LMBRD1: variants seen among roughly 807,000 people sequenced by gnomAD.
LMBRD1 encodes LMBR1 domain containing 1.
A neutral mutation model predicts 74.8 loss-of-function variants in LMBRD1; 64 were observed. That is an observed-to-expected ratio of 0.86 (90% CI 0.70 to 1.05). The LOEUF is 1.05. Among genes scored for constraint, LMBRD1 ranks in the 50% least tolerant of loss-of-function variants. The probability of loss-of-function intolerance (pLI) is 0.00; values close to 1 mark genes in which losing one functional copy is unlikely to be tolerated. For synonymous variants in LMBRD1, 204 were observed against 216.3 expected, an observed-to-expected ratio of 0.94 and a Z score of 0.50; for missense variants, 652 against 645.9, an observed-to-expected ratio of 1.01 and a Z score of -0.10.
At chr6:69,749,224 T>C in intron 5 of LMBRD1, 117 bp downstream of exon 5, 1 of 788,900 alleles carries the variant, frequency 1.3e-6, no homozygotes, top group Non-Finnish European at 2.1e-6. Context: ...GAGAGTGGAT[T>C]GTTCTTTTTT....
At chr6:69,737,335 T>C (rs1003699894) in intron 7 of LMBRD1, among the ~76,000 whole-genome samples, 3 of 152,086 alleles carry the variant, frequency 2.0e-5, no homozygotes, top group Admixed American at 2.0e-4. Flanking sequence ...AAGAGAAGTC[T>C]GTATACAACT....
At chr6:69,745,504 C>T (rs995523861) in intron 5 of LMBRD1, among the ~76,000 whole-genome samples, 86 of 148,358 alleles carry the variant, frequency 5.8e-4, no homozygotes, top group Middle Eastern at 3.8e-3. Flanking sequence ...ATGATCCACC[C>T]GCCTCGGCCT....
At chr6:69,773,232 A>G (rs2149889042) in intron 3 of LMBRD1, among the ~76,000 whole-genome samples, 1 of 152,246 alleles carries the variant, frequency 6.6e-6, no homozygotes, top group African/African-American at 2.4e-5. Flanking sequence ...GAGTGGGTTC[A>G]TTATAAAAGG....
At chr6:69,691,073 CTA>C (rs1262825068) in intron 14 of LMBRD1, among the ~76,000 whole-genome samples, 3 of 151,494 alleles carry the variant, frequency 2.0e-5, no homozygotes, top group Admixed American at 2.0e-4. Flanking sequence ...TTCATATTGT[CTA>C]TGACTTTCAT....
intron 7 of LMBRD1, among the ~76,000 whole-genome samples, chr6:69,724,218 G>T (rs1766675992): frequency 6.6e-6 from 1 of 151,416 alleles, no homozygotes; most frequent in Admixed American, 6.6e-5. Flanking sequence ...CTGATCCACT[G>T]CCGAATTCTA....
At chr6:69,749,223 T>G in intron 5 of LMBRD1, 118 bp downstream of exon 5, 2 of 780,234 alleles carry the variant, frequency 2.6e-6, no homozygotes, top group South Asian at 1.7e-5. Flanking sequence ...AGAGAGTGGA[T>G]TGTTCTTTTT....
chr6:69,676,330 T>C, intron 15 of LMBRD1, 59 bp from the exon 16 acceptor site: 2 of 1,589,140 alleles, frequency 1.3e-6, no homozygotes. Context: ...TGGAAAGTAA[T>C]GCTTTAAAAT....
chr6:69,780,538 T>C lies in LMBRD1; in HGVS notation c.263A>G (p.Asn88Ser), dbSNP rs1460517298. 1 of 1,607,368 alleles carries C rather than the reference T, an allele frequency of 6.2e-7. No homozygotes were observed. Among genetic ancestry groups the C allele is most frequent in the Non-Finnish European group, 8.5e-7 (1 of 1,174,094 alleles). ...NGTFKDWANANVSRQIEDTVL... is the reference protein window; with the variant it reads ...NGTFKDWANASVSRQIEDTVL... Reference sequence around the variant, plus strand: ...AGTGTCCTCAATCTGTCTGCTGACATTAGCATTAGCCCAGTCCTAGGATAA... The same window carrying C: ...AGTGTCCTCAATCTGTCTGCTGACACTAGCATTAGCCCAGTCCTAGGATAA... Residue 88 changes from asparagine to serine, a missense_variant, in exon 3 of 16, where the codon AAT becomes AGT. Physicochemically the swap from Asn to Ser is conservative, Grantham distance 46. Coordinates refer to ENST00000649934, the MANE Select transcript of LMBRD1 (RefSeq NM_018368.4).
chr6:69,727,798 A>T (rs1306159734), intron 7 of LMBRD1, among the ~76,000 whole-genome samples: 28 of 152,160 alleles, frequency 1.8e-4, no homozygotes, highest in Admixed American at 1.8e-3. Context: ...AAAGTACCTG[A>T]TAGTTCCTTT....
intron 2 of LMBRD1, among the ~76,000 whole-genome samples, chr6:69,781,798 G>C (rs550174445): frequency 2.6e-5 from 4 of 152,264 alleles, no homozygotes; most frequent in Non-Finnish European, 4.4e-5. Context: ...CACATTTAAA[G>C]ATTGTAAATA....
At chr6:69,715,077 C>T (rs527989137) in intron 8 of LMBRD1, among the ~76,000 whole-genome samples, 1 of 152,018 alleles carries the variant, frequency 6.6e-6, no homozygotes, top group East Asian at 1.9e-4. Context: ...ATCACTGGAT[C>T]CCAGAAAACG....
chr6:69,748,735 A>G (rs1765050590), intron 5 of LMBRD1, among the ~76,000 whole-genome samples: 1 of 152,088 alleles, frequency 6.6e-6, no homozygotes, highest in Non-Finnish European at 1.5e-5. Context: ...TCCATTAACA[A>G]GGATAAATTT....
chr6:69,764,316 G>A (rs891314520), intron 3 of LMBRD1, among the ~76,000 whole-genome samples: 5 of 148,358 alleles, frequency 3.4e-5, no homozygotes, highest in East Asian at 2.1e-4. Context: ...GAGTACATGC[G>A]CTAGATCGTT....
intron 3 of LMBRD1, among the ~76,000 whole-genome samples, chr6:69,777,231 C>T (rs1765723849): frequency 1.3e-5 from 2 of 152,010 alleles, no homozygotes; most frequent in African/African-American, 4.8e-5. Context: ...GCGGGAGGAT[C>T]ACCTGAGGTC....
At chr6:69,753,104 T>A (rs561955571) in intron 3 of LMBRD1, among the ~76,000 whole-genome samples, 137 of 152,082 alleles carry the variant, frequency 9.0e-4, no homozygotes, top group East Asian at 1.7e-3. Flanking sequence ...CTGCTTTTTT[T>A]AAAAAAAATG....
intron 3 of LMBRD1, among the ~76,000 whole-genome samples, chr6:69,759,766 T>G (rs904238191): frequency 6.6e-6 from 1 of 152,106 alleles, no homozygotes; most frequent in Non-Finnish European, 1.5e-5. Flanking sequence ...TTAATTCTAG[T>G]GAGGAAAAGA....
intron 14 of LMBRD1, among the ~76,000 whole-genome samples, chr6:69,691,991 A>C (rs1428057836): frequency 6.6e-6 from 1 of 152,098 alleles, no homozygotes; most frequent in East Asian, 1.9e-4. Flanking sequence ...TTAAAGTTCA[A>C]TTACTTTTTA....
At chr6:69,759,957 T>A (rs1765342104) in intron 3 of LMBRD1, among the ~76,000 whole-genome samples, 1 of 152,140 alleles carries the variant, frequency 6.6e-6, no homozygotes, top group Non-Finnish European at 1.5e-5. Context: ...GAACTCTCAT[T>A]TCACACTCAC....
At chr6:69,782,830 T>C (rs1765868499) in intron 2 of LMBRD1, among the ~76,000 whole-genome samples, 1 of 152,190 alleles carries the variant, frequency 6.6e-6, no homozygotes, top group South Asian at 2.1e-4. Flanking sequence ...CAGGGTAAAT[T>C]AGACCCTGTA....
Sources: gnomAD v4.1 joint callset for allele counts (sites outside exome capture counted in the v4.1 genomes callset) on GRCh38, gnomAD v4.1.1 for gene constraint, MANE v1.5 for transcripts, NCBI Gene and HGNC (gene_info 2026-07-23, HGNC 2026-07-21) for gene names.